Variants in SMG1 observed in about 807,000 individuals in gnomAD.
The protein encoded by SMG1 is serine/threonine-protein kinase SMG1.
A neutral mutation model predicts 419.9 loss-of-function variants in SMG1; 22 were observed. That is an observed-to-expected ratio of 0.05 (90% CI 0.04 to 0.07). The LOEUF is 0.07. Ranked by LOEUF, SMG1 falls within the 10% of genes least tolerant of loss-of-function variation. The probability of loss-of-function intolerance (pLI) is 1.00; values close to 1 mark genes in which losing one functional copy is unlikely to be tolerated. For synonymous variants in SMG1, 1,538 were observed against 1,553.5 expected, an observed-to-expected ratio of 0.99 and a Z score of 0.23; for missense variants, 3,185 against 4,342.0, an observed-to-expected ratio of 0.73 and a Z score of 7.49.
At chr16:18,880,099 T>C (rs1567416796) in intron 10 of SMG1, among the ~76,000 whole-genome samples, 1 of 152,222 alleles carries the variant, frequency 6.6e-6, no homozygotes, top group East Asian at 1.9e-4. Flanking sequence ...TACTACAAGC[T>C]AGCTCTTGGG....
intron 10 of SMG1, among the ~76,000 whole-genome samples, chr16:18,881,453 T>C (rs750589409): frequency 2.6e-4 from 39 of 152,240 alleles, no homozygotes; most frequent in Admixed American, 2.0e-3. Context: ...TATCCTATTT[T>C]ATCTAGCAAC....
chr16:18,852,240 A>G, intron 32 of SMG1, 35 bp from the exon 33 acceptor site: 4 of 1,607,230 alleles, frequency 2.5e-6, no homozygotes, highest in Non-Finnish European at 2.5e-6. Context: ...TATTTCAGCT[A>G]CCCAAACTTT....
intron 1 of SMG1, among the ~76,000 whole-genome samples, chr16:18,923,569 A>G (rs1302727347): frequency 1.3e-5 from 2 of 151,848 alleles, no homozygotes; most frequent in African/African-American, 2.4e-5. Context: ...CGGGAGGCAG[A>G]GGCTGCAGTG....
chr16:18,889,826 G>C (rs1216736478), intron 5 of SMG1, among the ~76,000 whole-genome samples: 1 of 152,064 alleles, frequency 6.6e-6, no homozygotes. Context: ...CAAACAGTGA[G>C]GGAAGGCCCA....
In SMG1 at chr16:18,856,271, G is replaced by A. The variant is rs181403726; in HGVS notation, c.4235-1367C>T. On this transcript the variant is annotated intron_variant, in intron 29 of 62. Transcript: ENST00000446231. ...TTCATTTCCCAGGCTCATGCTATCCGCCCACCTCAGCCTCCTAAGCAGCTG... is the reference window on the plus strand; with the variant it reads ...TTCATTTCCCAGGCTCATGCTATCCACCCACCTCAGCCTCCTAAGCAGCTG... 1.9e-3 allele frequency: 277 copies of A among 147,702 alleles called. 2 individuals carry two copies. Among genetic ancestry groups the A allele is most frequent in the Non-Finnish European group, 2.1e-3 (139 of 67,526 alleles). 9.1% of individuals were successfully genotyped at this position (147,702 alleles called of 1,614,324 possible). A position where few individuals can be genotyped will look rare whatever the true frequency, so the allele number is the denominator to read the frequency against.
At chr16:18,863,283 GAATA>G (rs1235572576) in intron 25 of SMG1, among the ~76,000 whole-genome samples, 1 of 152,218 alleles carries the variant, frequency 6.6e-6, no homozygotes, top group African/African-American at 2.4e-5. Context: ...GTCCTCATTA[GAATA>G]AATGTTTTTG....
chr16:18,886,570 A>G (rs2036621087), intron 6 of SMG1, among the ~76,000 whole-genome samples: 2 of 152,220 alleles, frequency 1.3e-5, no homozygotes. Flanking sequence ...TGGGAGGACG[A>G]GGCAGGTGGA....
intron 1 of SMG1, among the ~76,000 whole-genome samples, chr16:18,902,185 G>A (rs1402205414): frequency 6.6e-6 from 1 of 152,128 alleles, no homozygotes; most frequent in South Asian, 2.1e-4. Flanking sequence ...TAATTCATGA[G>A]TATTGTCGCA....
At position 18,911,984 on chromosome 16, in the gene SMG1, G is replaced by T. The variant is rs551287197; in HGVS notation, c.92+13966C>A. Among the ~76,000 whole-genome samples, 28 of 151,606 alleles carry T rather than the reference G, an allele frequency of 1.8e-4. 1 individual carries two copies. In the East Asian group the frequency reaches 5.5e-3, roughly 30 times the overall value. On this transcript the variant is annotated intron_variant, in intron 1 of 62. Transcript: ENST00000446231. Reference sequence around the variant, plus strand: ...TAATCCCAGCTACATGGGAGGCTGAGGCAGGAGAATCGCTTGAACCCGGGA... The same window carrying T: ...TAATCCCAGCTACATGGGAGGCTGATGCAGGAGAATCGCTTGAACCCGGGA...
intron 56 of SMG1, among the ~76,000 whole-genome samples, chr16:18,818,164 C>G (rs978584351): frequency 1.3e-5 from 2 of 152,050 alleles, no homozygotes; most frequent in African/African-American, 4.8e-5. Context: ...CAGCGGATCA[C>G]CTGAGGTCAG....
Position 18,838,100 on chromosome 16 carries a change from G to C in SMG1, c.7327C>G (p.Gln2443Glu). 6.2e-7 allele frequency: 1 copy of C among 1,613,914 alleles called. No homozygotes were observed. Among genetic ancestry groups the C allele is most frequent in the Non-Finnish European group, 8.5e-7 (1 of 1,179,868 alleles). The part of the protein sequence containing the change: ...FAGAVYGGGG[Q>E]QAESKQSKRE... ...TTGCTCTGCTTGCTCTCGGCCTGCT[G>C]GCCACCTCCACCATAGACAGCACCA... The change falls in exon 45 of 63, where the codon CAG (glutamine) becomes GAG (glutamate). Residue 2443 changes from glutamine (Q) to glutamate (E), a missense_variant. Transcript: ENST00000446231.
At chr16:18,914,965 C>T (rs558891842) in intron 1 of SMG1, among the ~76,000 whole-genome samples, 5 of 139,768 alleles carry the variant, frequency 3.6e-5, no homozygotes, top group Non-Finnish European at 6.2e-5. Context: ...TTTTCTGAGA[C>T]GGAGTTTTTT....
chr16:18,849,051 C>T (rs951273815), intron 36 of SMG1, among the ~76,000 whole-genome samples, 166 bp downstream of exon 36: 5 of 110,620 alleles, frequency 4.5e-5, no homozygotes, highest in African/African-American at 1.9e-4. Context: ...GCCTGGGTGA[C>T]AGAGTGAGAC....
chr16:18,811,097 AT>A (rs2141061544), intron 62 of SMG1, among the ~76,000 whole-genome samples: 1 of 152,328 alleles, frequency 6.6e-6, no homozygotes, highest in East Asian at 1.9e-4. Context: ...TAGGTTGAGT[AT>A]CCCTTATCCA....
intron 23 of SMG1, among the ~76,000 whole-genome samples, chr16:18,865,766 A>G (rs2035467235): frequency 1.3e-5 from 2 of 151,578 alleles, no homozygotes; most frequent in South Asian, 4.2e-4. Flanking sequence ...AGGTTCAACC[A>G]ATTCTCCTGG....
rs772182296 is a variant in SMG1 at position 18,863,876 on chromosome 16, A to G, written c.3494-25T>C. 18 of 1,588,452 alleles carry G rather than the reference A, an allele frequency of 1.1e-5. No homozygotes were observed. The South Asian group carries it at 1.9e-4, about 17-fold the overall frequency. ...CCTGAAAGTATTTTATAAAATAAGA[A>G]GAGAGAGATTCAGATCAGTTAGAAA... is the stretch of plus-strand genomic sequence containing the variant. On this transcript the variant is annotated intron_variant, in intron 24 of 62. Transcript: ENST00000446231.
intron 13 of SMG1, among the ~76,000 whole-genome samples, chr16:18,874,068 C>T (rs1241947724): frequency 5.9e-5 from 9 of 152,192 alleles, no homozygotes; most frequent in African/African-American, 9.7e-5. Context: ...CACATGTAAG[C>T]GCAAACATCA....
chr16:18,884,410 T>G (rs566031862), intron 8 of SMG1, among the ~76,000 whole-genome samples: 48 of 152,278 alleles, frequency 3.2e-4, no homozygotes, highest in African/African-American at 1.0e-3. Flanking sequence ...ATTTCCTTAC[T>G]TTTTCAGTAA....
intron 55 of SMG1, among the ~76,000 whole-genome samples, 182 bp downstream of exon 55, chr16:18,827,849 T>A (rs12445837): frequency 0.38 from 45,209 of 117,800 alleles, 7,717 homozygotes; most frequent in Non-Finnish European, 0.5. Context: ...CTTTGGTATA[T>A]ATATACCTAT....
Sources: gnomAD v4.1 joint callset for allele counts (sites outside exome capture counted in the v4.1 genomes callset) on GRCh38, gnomAD v4.1.1 for gene constraint, MANE v1.5 for transcripts, NCBI Gene and HGNC (gene_info 2026-07-23, HGNC 2026-07-21) for gene names.